SLC35F1: variants seen among roughly 807,000 people sequenced by gnomAD.
SLC35F1 encodes the protein chromosome 6 open reading frame 169.
Under a neutral mutation model 48.7 loss-of-function variants are expected in SLC35F1, and 14 were observed. The observed-to-expected ratio is 0.29, with a 90% CI of 0.19 to 0.45. The LOEUF (loss-of-function observed/expected upper bound fraction) is 0.45. SLC35F1 is among the 20% of genes least tolerant of loss of function. The probability of loss-of-function intolerance (pLI) is 1.00; values close to 1 mark genes in which losing one functional copy is unlikely to be tolerated. For missense variants in SLC35F1, 404 were observed against 500.0 expected (o/e 0.81, Z 1.83); for synonymous variants, 190 against 202.2 (o/e 0.94, Z 0.51).
intron 1 of SLC35F1, among the ~76,000 whole-genome samples, chr6:117,987,376 TTC>T (rs1554220448): frequency 3.1e-5 from 2 of 65,400 alleles, no homozygotes; most frequent in South Asian, 5.1e-4. Flanking sequence ...CCTCTTCTCC[TTC>T]TTTTTTTCCT....
At chr6:117,951,933 T>G (rs1212301517) in intron 1 of SLC35F1, among the ~76,000 whole-genome samples, 1 of 152,214 alleles carries the variant, frequency 6.6e-6, no homozygotes, top group Non-Finnish European at 1.5e-5. Context: ...AAAGTGCCAG[T>G]GGAATGCAGA....
At chr6:118,312,277 G>C (rs1016611216) in intron 7 of SLC35F1, among the ~76,000 whole-genome samples, 1 of 152,142 alleles carries the variant, frequency 6.6e-6, no homozygotes, top group Admixed American at 6.5e-5. Flanking sequence ...GGTAATGTTA[G>C]GAACAGACCT....
intron 1 of SLC35F1, among the ~76,000 whole-genome samples, chr6:118,062,106 C>T (rs1772550161): frequency 6.6e-6 from 1 of 151,932 alleles, no homozygotes; most frequent in Non-Finnish European, 1.5e-5. Flanking sequence ...ATGTATATAA[C>T]ATTTGGGGTG....
chr6:118,134,509 G>A (rs1329985395), intron 1 of SLC35F1, among the ~76,000 whole-genome samples: 1 of 152,138 alleles, frequency 6.6e-6, no homozygotes, highest in Non-Finnish European at 1.5e-5. Context: ...GATGAAGGCT[G>A]GTCAGTAAAT....
intron 1 of SLC35F1, among the ~76,000 whole-genome samples, chr6:118,140,600 T>A (rs1292418891): frequency 1.3e-5 from 2 of 151,020 alleles, no homozygotes; most frequent in African/African-American, 2.4e-5. Context: ...TTCCTTATAT[T>A]TTTTTTTTTG....
At chr6:117,913,445 G>A (rs894138870) in intron 1 of SLC35F1, among the ~76,000 whole-genome samples, 3 of 152,100 alleles carry the variant, frequency 2.0e-5, no homozygotes, top group Admixed American at 6.5e-5. Flanking sequence ...TAGAATGAAC[G>A]TTGTAATTCA....
chr6:118,182,518 G>A lies in SLC35F1; in HGVS notation c.349+27898G>A, dbSNP rs78464367. Among the ~76,000 whole-genome samples, 10 of 35,076 alleles carry A rather than the reference G, an allele frequency of 2.9e-4. No individual in the cohort carries two copies. The East Asian group carries it at 0.011, about 39-fold the overall frequency. 23.0% of individuals were successfully genotyped at this position (35,076 alleles called of 152,430 possible). ...AAAAAAAAAGAAAGAGAGAGAGAGAGAGAAGGAAGGAAGGAAGGAAGGAAG... is the reference window on the plus strand; with the variant it reads ...AAAAAAAAAGAAAGAGAGAGAGAGAAAGAAGGAAGGAAGGAAGGAAGGAAG... On this transcript the variant is annotated intron_variant, in intron 2 of 7. Coordinates refer to ENST00000360388, the MANE Select transcript of SLC35F1 (RefSeq NM_001029858.4).
chr6:118,243,462 C>T (rs1775466514), intron 3 of SLC35F1, among the ~76,000 whole-genome samples: 1 of 152,102 alleles, frequency 6.6e-6, no homozygotes, highest in Non-Finnish European at 1.5e-5. Context: ...AAAAGAAATG[C>T]CTTAGCTAAA....
At chr6:118,019,091 A>G (rs971373962) in intron 1 of SLC35F1, among the ~76,000 whole-genome samples, 3 of 152,130 alleles carry the variant, frequency 2.0e-5, no homozygotes, top group Non-Finnish European at 4.4e-5. Flanking sequence ...AAACTTTTGC[A>G]TGTATAAATT....
chr6:118,189,620 G>T (rs1337746429), intron 2 of SLC35F1, among the ~76,000 whole-genome samples: 1 of 152,088 alleles, frequency 6.6e-6, no homozygotes, highest in African/African-American at 2.4e-5. Context: ...TTTTGAGTTT[G>T]ATCTCTTAAA....
At chr6:118,037,780 A>C (rs572753382) in intron 1 of SLC35F1, among the ~76,000 whole-genome samples, 16 of 151,988 alleles carry the variant, frequency 1.1e-4, no homozygotes, top group Non-Finnish European at 1.6e-4. Flanking sequence ...AAGAAAACCA[A>C]ACACTGCATA....
At chr6:117,966,910 T>C (rs933139632) in intron 1 of SLC35F1, among the ~76,000 whole-genome samples, 3 of 152,212 alleles carry the variant, frequency 2.0e-5, no homozygotes, top group Admixed American at 6.5e-5. Context: ...GGGGACACAA[T>C]TCAGTGCATC....
chr6:118,071,933 C>T (rs1046124431), intron 1 of SLC35F1, among the ~76,000 whole-genome samples: 3 of 152,156 alleles, frequency 2.0e-5, no homozygotes, highest in Non-Finnish European at 4.4e-5. Context: ...GTTCTGGACA[C>T]CTGCTGGGAC....
chr6:117,926,197 G>T (rs145094498), intron 1 of SLC35F1, among the ~76,000 whole-genome samples: 2 of 152,030 alleles, frequency 1.3e-5, no homozygotes, highest in East Asian at 3.9e-4. Context: ...GGTGGTTTCC[G>T]CCATGCTGTT....
At chr6:118,135,204 T>C (rs1582685660) in intron 1 of SLC35F1, among the ~76,000 whole-genome samples, 2 of 152,130 alleles carry the variant, frequency 1.3e-5, no homozygotes, top group South Asian at 4.1e-4. Flanking sequence ...CACCAGAGGG[T>C]CATTAAAACT....
intron 2 of SLC35F1, among the ~76,000 whole-genome samples, chr6:118,184,080 T>A (rs1425592916): frequency 6.6e-6 from 1 of 152,176 alleles, no homozygotes; most frequent in Non-Finnish European, 1.5e-5. Flanking sequence ...TCTGAGTGAT[T>A]TAGAAAACAG....
chr6:118,153,069 G>T (rs1774086252), intron 1 of SLC35F1, among the ~76,000 whole-genome samples: 1 of 152,128 alleles, frequency 6.6e-6, no homozygotes, highest in South Asian at 2.1e-4. Flanking sequence ...CAGATGGAAT[G>T]AACAAAATAT....
chr6:118,260,007 A>G (rs78027329), intron 3 of SLC35F1, among the ~76,000 whole-genome samples: 5 of 152,268 alleles, frequency 3.3e-5, no homozygotes, highest in East Asian at 1.9e-4. Flanking sequence ...TAAGTAAAAC[A>G]TGATATATCC....
At chr6:118,169,614 C>A (rs1562313518) in intron 2 of SLC35F1, among the ~76,000 whole-genome samples, 3 of 152,148 alleles carry the variant, frequency 2.0e-5, no homozygotes, top group Admixed American at 6.6e-5. Context: ...TCGCGTCTTA[C>A]CTGGACTGCT....
Sources: allele counts gnomAD v4.1 joint callset (sites outside exome capture counted in the v4.1 genomes callset), GRCh38; gene constraint gnomAD v4.1.1; transcripts MANE v1.5; gene names NCBI Gene and HGNC (gene_info 2026-07-23, HGNC 2026-07-21).